CARMIL3: variants seen among roughly 807,000 people sequenced by gnomAD.
The protein encoded by CARMIL3 is capping protein, Arp2/3 and myosin-I linker protein 3.
In CARMIL3, 88 loss-of-function variants were observed where a neutral mutation model predicts 180.8. The observed-to-expected ratio is 0.49, with a 90% CI of 0.41 to 0.58. The LOEUF (loss-of-function observed/expected upper bound fraction) is 0.58, where lower values mean the gene tolerates loss of function less well. Ranked by LOEUF, CARMIL3 falls within the 20% of genes least tolerant of loss-of-function variation. CARMIL3 has a pLI of 0.00. For missense variants in CARMIL3, 1,548 were observed against 1,787.0 expected, an observed-to-expected ratio of 0.87 and a Z score of 2.41; for synonymous variants, 696 against 714.5, an observed-to-expected ratio of 0.97 and a Z score of 0.41.
intron 36 of CARMIL3, 98 bp downstream of exon 36, chr14:24,066,754 A>G: frequency 8.0e-7 from 1 of 1,254,106 alleles, no homozygotes; most frequent in Non-Finnish European, 1.1e-6. Flanking sequence ...TTTATGGCCA[A>G]GGTGGGGCAG....
Position 24,059,697 on chromosome 14 carries a change from C to G in CARMIL3, c.1833C>G (p.Ala611=), listed in dbSNP as rs2035712295. The change falls in exon 22 of 40, where the codon GCC becomes GCG. Residue 611 remains alanine (A), a synonymous_variant. Coordinates refer to ENST00000342740, the MANE Select transcript of CARMIL3 (RefSeq NM_138360.4). This position sits in a 1 kb window ranked among gnomAD's most constrained non-coding sequence, Gnocchi z 6.3. The part of the protein sequence containing the change: ...TILWDRNNTS[A]LGFLDIARAL... Reference sequence around the variant, plus strand: ...TATGGGATCGGAACAATACATCTGCCCTGGGCTTCCTGGACATCGCAAGGG... The same window carrying G: ...TATGGGATCGGAACAATACATCTGCGCTGGGCTTCCTGGACATCGCAAGGG... 1 of 1,614,088 alleles carries G rather than the reference C, an allele frequency of 6.2e-7. No individual in the cohort carries two copies. The highest frequency in any genetic ancestry group is 8.5e-7 in the Non-Finnish European group (1 of 1,180,012).
chr14:24,068,773 C>T lies in CARMIL3; in HGVS notation c.3802-13C>T. ...AGGGACTAACTGACCCAGCATCTTC[C>T]TTCCTCTGCCAGCTACAGGACCCCG... On this transcript the variant is annotated splice_polypyrimidine_tract_variant and intron_variant, in intron 37 of 39. Transcript: ENST00000342740. 1 of 1,614,084 alleles carries T rather than the reference C, an allele frequency of 6.2e-7. No individual in the cohort carries two copies. Among genetic ancestry groups the T allele is most frequent in the South Asian group, 1.1e-5 (1 of 91,080 alleles).
In CARMIL3 at chr14:24,053,894, A is replaced by G. The variant is rs575644687; in HGVS notation, c.135+91A>G. ...AGGGAGCCGGGAGGACAGAAGAGAC[A>G]GAAGTGGGTGGACACTGAGGAGACA... is the stretch of plus-strand genomic sequence containing the variant. On this transcript the variant is annotated intron_variant, in intron 2 of 39. Coordinates refer to ENST00000342740, the MANE Select transcript of CARMIL3 (RefSeq NM_138360.4). 2.4e-6 allele frequency: 3 copies of G among 1,266,784 alleles called. No homozygotes were observed. In the South Asian group the frequency reaches 4.2e-5, roughly 18 times the overall value. 78.5% of individuals were successfully genotyped at this position (1,266,784 alleles called of 1,614,324 possible). A position where few individuals can be genotyped will look rare whatever the true frequency, so the allele number is the denominator to read the frequency against.
rs1208294053 is a variant in CARMIL3 at position 24,061,778 on chromosome 14, C to G, written c.2480+106C>G. 1.6e-6 allele frequency: 2 copies of G among 1,220,276 alleles called. No individual in the cohort carries two copies. The highest frequency in any genetic ancestry group is 2.4e-5 in the Admixed American group (1 of 41,524). The allele number at this position is 1,220,276 out of a possible 1,614,324, so 75.6% of individuals were successfully genotyped here. A position where few individuals can be genotyped will look rare whatever the true frequency, so the allele number is the denominator to read the frequency against. On this transcript the variant is annotated intron_variant, in intron 27 of 39. Transcript: ENST00000342740. The surrounding 1 kb of genome is among the most constrained non-coding windows in gnomAD (Gnocchi z 4.1). ...CAATGAATAATGAATGGCACAATCTCCATTACAAGGATCAATCTTTAACCA... is the reference window on the plus strand; with the variant it reads ...CAATGAATAATGAATGGCACAATCTGCATTACAAGGATCAATCTTTAACCA...
chr14:24,063,232 G>T (rs1417089253), intron 30 of CARMIL3, 49 bp downstream of exon 30: 1 of 1,598,834 alleles, frequency 6.3e-7, no homozygotes, highest in Non-Finnish European at 8.6e-7. Flanking sequence ...CCCGCCCTCT[G>T]TAGCCCCTCT....
intron 6 of CARMIL3, 59 bp from the exon 7 acceptor site, chr14:24,055,007 C>A: frequency 6.3e-7 from 1 of 1,580,344 alleles, no homozygotes; most frequent in Non-Finnish European, 8.7e-7. Context: ...GTTCTTGAAC[C>A]CCAAGCCTAT....
chr14:24,065,538 C>G (rs777775005), intron 33 of CARMIL3, 84 bp from the exon 34 acceptor site: 19 of 1,518,836 alleles, frequency 1.3e-5, no homozygotes, highest in Non-Finnish European at 1.7e-5. Context: ...CTCAGTGAGG[C>G]AGGGGTCCTC....
At position 24,059,473 on chromosome 14, in the gene CARMIL3, G is replaced by T. The variant is rs370288899; in HGVS notation, c.1799+31G>T. 1 of 1,550,992 alleles carries T rather than the reference G, an allele frequency of 6.4e-7. No individual in the cohort carries two copies. Among genetic ancestry groups the T allele is most frequent in the Admixed American group, 2.0e-5 (1 of 51,220 alleles). ...GCCCACACCGGGACCCCCTGACCTG[G>T]AGCCCCAGCCCCTCCCCATATGTAC... On this transcript the variant is annotated intron_variant, in intron 21 of 39. Coordinates refer to ENST00000342740, the MANE Select transcript of CARMIL3 (RefSeq NM_138360.4). This position sits in a 1 kb window ranked among gnomAD's most constrained non-coding sequence, Gnocchi z 6.3.
chr14:24,060,755 C>T lies in CARMIL3; in HGVS notation c.2189C>T (p.Ala730Val), dbSNP rs752086691. ...DLIKDAKNSR[A>V]LFPSLYELGH... is the part of the protein sequence containing the mutation. ...ATCAAAGATGCCAAGAACTCCCGGG[C>T]GGTGAGCCCTCCACAGGCTACCCTT... is the stretch of plus-strand genomic sequence containing the variant. Residue 730 changes from alanine to valine, a missense_variant and splice_region_variant, in exon 25 of 40, where the codon GCG becomes GTG. This residue lies in a region of CARMIL3 where 297 missense variants were observed against 415.9 expected (regional missense o/e 0.71). Transcript: ENST00000342740. 51 of 1,612,914 alleles carry T rather than the reference C, an allele frequency of 3.2e-5. No homozygotes were observed. Among genetic ancestry groups the T allele is most frequent in the Non-Finnish European group, 3.9e-5 (46 of 1,179,514 alleles).
rs1566540179 is a variant in CARMIL3 at position 24,058,813 on chromosome 14, A to AGCAT, written c.1474+56_1474+59dup. ...GGGCCAGGGGAGAACAGGGGCCTGGAGCATGCAGAAGCAGCCCTGATGGGA... is the reference window on the plus strand; with the variant it reads ...GGGCCAGGGGAGAACAGGGGCCTGGAGCATGCATGCAGAAGCAGCCCTGATGGGA... On this transcript the variant is annotated intron_variant, in intron 18 of 39. Transcript: ENST00000342740. This position sits in a 1 kb window ranked among gnomAD's most constrained non-coding sequence, Gnocchi z 6.4. 6.2e-7 allele frequency: 1 copy of AGCAT among 1,612,090 alleles called. No homozygotes were observed. The highest frequency in any genetic ancestry group is 2.2e-5 in the East Asian group (1 of 44,858).
In CARMIL3 at chr14:24,058,221, C is replaced by T. The variant is rs1225744068; in HGVS notation, c.1389C>T (p.Cys463=). 12 of 1,613,338 alleles carry T rather than the reference C, an allele frequency of 7.4e-6. No individual in the cohort carries two copies. The highest frequency in any genetic ancestry group is 3.3e-5 in the South Asian group (3 of 90,966). Reference sequence around the variant, plus strand: ...ACCTGCACCTGGATCTCAGCAGCTGCGAGGTGAGCCCTCAGTCCCCAACCC... The same window carrying T: ...ACCTGCACCTGGATCTCAGCAGCTGTGAGGTGAGCCCTCAGTCCCCAACCC... ...LSDLHLDLSS[C]ELRSAGAQAL... is the part of the protein sequence containing the mutation. The change falls in exon 17 of 40, where the codon TGC becomes TGT. Residue 463 remains cysteine, a synonymous_variant. Coordinates refer to ENST00000342740, the MANE Select transcript of CARMIL3 (RefSeq NM_138360.4). The surrounding 1 kb of genome is among the most constrained non-coding windows in gnomAD (Gnocchi z 6.4).
In CARMIL3 at chr14:24,054,201, C is replaced by A. The variant is rs758163417; in HGVS notation, c.187-41C>A. 2 of 1,613,990 alleles carry A rather than the reference C, an allele frequency of 1.2e-6. No homozygotes were observed. The highest frequency in any genetic ancestry group is 1.7e-6 in the Non-Finnish European group (2 of 1,179,860). On this transcript the variant is annotated intron_variant, in intron 3 of 39. Coordinates refer to ENST00000342740, the MANE Select transcript of CARMIL3 (RefSeq NM_138360.4). The surrounding 1 kb of genome is among the most constrained non-coding windows in gnomAD (Gnocchi z 5.1). Reference sequence around the variant, plus strand: ...CTCCCTACCTCCCAAGCCTGGCAACCCAGGTCCTTACCAGGAGCTGAGCAT... The same window carrying A: ...CTCCCTACCTCCCAAGCCTGGCAACACAGGTCCTTACCAGGAGCTGAGCAT...
intron 11 of CARMIL3, 49 bp from the exon 12 acceptor site, chr14:24,056,573 A>G (rs4982852): frequency 0.89 from 1,417,878 of 1,590,482 alleles, 632,745 homozygotes; most frequent in East Asian, 1. Context: ...TGCCACCTGC[A>G]CCCACTGCCC....
chr14:24,056,884 G>A (rs928678186), intron 12 of CARMIL3, 31 bp from the exon 13 acceptor site: 26 of 1,604,284 alleles, frequency 1.6e-5, no homozygotes, highest in Non-Finnish European at 2.0e-5. Flanking sequence ...GGGGCTAGGG[G>A]CCAACCCAGC....
At chr14:24,060,829 C>T in intron 25 of CARMIL3, 73 bp downstream of exon 25, 1 of 1,563,516 alleles carries the variant, frequency 6.4e-7, no homozygotes, top group Non-Finnish European at 8.7e-7. Context: ...TAAGCCATGA[C>T]AGCCCTGCCC....
intron 14 of CARMIL3, among the ~76,000 whole-genome samples, chr14:24,057,546 G>A (rs900122483): frequency 6.6e-6 from 1 of 152,114 alleles, no homozygotes; most frequent in Non-Finnish European, 1.5e-5. Flanking sequence ...GGAGTCAGTG[G>A]TGGCCCTGGC....
At chr14:24,055,520 T>C in intron 8 of CARMIL3, 23 bp from the exon 9 acceptor site, 3 of 1,613,678 alleles carry the variant, frequency 1.9e-6, no homozygotes, top group Non-Finnish European at 2.5e-6. Context: ...ACCACTTTCC[T>C]GCCCCCTTCC....
chr14:24,054,285 C>G lies in CARMIL3; in HGVS notation c.230C>G (p.Thr77Arg). Residue 77 changes from threonine to arginine, a missense_variant, in exon 4 of 40, where the codon ACG becomes AGG. Physicochemically the swap from Thr to Arg is moderately conservative, Grantham distance 71. This residue lies in a region of CARMIL3 where 578 missense variants were observed against 666.5 expected (regional missense o/e 0.87). Coordinates refer to ENST00000342740, the MANE Select transcript of CARMIL3 (RefSeq NM_138360.4). This position sits in a 1 kb window ranked among gnomAD's most constrained non-coding sequence, Gnocchi z 5.1. The stretch of plus-strand genomic sequence containing the variant: ...GTCCTGGAGATCCGTGCCTTCAACA[C>G]GCTCAGTCAGAATCAGGTGAGTACC... ...FNVLEIRAFN[T>R]LSQNQILVET... is the part of the protein sequence containing the mutation. 5 of 1,614,206 alleles carry G rather than the reference C, an allele frequency of 3.1e-6. No individual in the cohort carries two copies. Among genetic ancestry groups the G allele is most frequent in the Non-Finnish European group, 4.2e-6 (5 of 1,180,030 alleles).
intron 1 of CARMIL3, among the ~76,000 whole-genome samples, chr14:24,053,390 A>G (rs2035638762): frequency 6.6e-6 from 1 of 152,246 alleles, no homozygotes; most frequent in East Asian, 1.9e-4. Context: ...CATGGGTTGG[A>G]AAAATTCTTC....
Sources: allele counts gnomAD v4.1 joint callset (sites outside exome capture counted in the v4.1 genomes callset), GRCh38; gene constraint gnomAD v4.1.1; regional missense constraint gnomAD v4.1.1; non-coding constraint Gnocchi (gnomAD v3.1); transcripts MANE v1.5; gene names NCBI Gene and HGNC (gene_info 2026-07-23, HGNC 2026-07-21).